CNOT4: variants seen among roughly 807,000 people sequenced by gnomAD.
CNOT4 encodes the protein CCR4-NOT transcription complex subunit 4.
CNOT4 carries 8 observed loss-of-function variants against 73.8 expected under a neutral mutation model. That is an observed-to-expected ratio of 0.11 (90% CI 0.06 to 0.20). The LOEUF (loss-of-function observed/expected upper bound fraction) is 0.20. CNOT4 is among the 10% of genes least tolerant of loss of function. The probability of loss-of-function intolerance (pLI) is 1.00; values close to 1 mark genes in which losing one functional copy is unlikely to be tolerated. For missense variants in CNOT4, 564 were observed against 883.4 expected (o/e 0.64, Z 4.58); for synonymous variants, 293 against 321.1 (o/e 0.91, Z 0.94).
Position 135,399,870 on chromosome 7 carries a change from C to T in CNOT4, c.822-1644G>A, listed in dbSNP as rs1168250622. Among the ~76,000 whole-genome samples, 3 of 152,114 alleles carry T rather than the reference C, an allele frequency of 2.0e-5. 1 individual carries two copies. The highest frequency in any genetic ancestry group is 2.0e-4 in the Admixed American group (3 of 15,276). ...AATGCAAACAGTTTAAAGATATAGA[C>T]CTGAGCCCACTAAGTTTAGAAGTAT... On this transcript the variant is annotated intron_variant, in intron 7 of 11. Coordinates refer to ENST00000541284, the MANE Select transcript of CNOT4 (RefSeq NM_001190850.2).
At chr7:135,489,310 T>C (rs1388371622) in intron 1 of CNOT4, among the ~76,000 whole-genome samples, 2 of 151,942 alleles carry the variant, frequency 1.3e-5, no homozygotes, top group Non-Finnish European at 2.9e-5. Flanking sequence ...TTACACATTT[T>C]ATAAAATTTT....
chr7:135,403,012 G>C (rs890287514), intron 7 of CNOT4, among the ~76,000 whole-genome samples: 2 of 152,092 alleles, frequency 1.3e-5, no homozygotes, highest in Non-Finnish European at 2.9e-5. Context: ...AAGTTAGAAG[G>C]TTTAGTTTTT....
chr7:135,489,748 A>T (rs1802984116), intron 1 of CNOT4, among the ~76,000 whole-genome samples: 1 of 152,100 alleles, frequency 6.6e-6, no homozygotes, highest in Admixed American at 6.6e-5. Context: ...TGGGTACCAT[A>T]CTGGACAATA....
intron 7 of CNOT4, among the ~76,000 whole-genome samples, chr7:135,409,270 G>A (rs1288812918): frequency 6.6e-6 from 1 of 152,086 alleles, no homozygotes; most frequent in East Asian, 1.9e-4. Flanking sequence ...AGAAAAGGGT[G>A]GGTACAAAAG....
At chr7:135,423,456 T>G (rs1193079886) in intron 2 of CNOT4, among the ~76,000 whole-genome samples, 3 of 151,218 alleles carry the variant, frequency 2.0e-5, no homozygotes, top group African/African-American at 7.3e-5. Context: ...CCTCCATCTC[T>G]TCATATATAA....
intron 1 of CNOT4, among the ~76,000 whole-genome samples, chr7:135,445,942 T>C (rs1400268156): frequency 6.6e-6 from 1 of 152,160 alleles, no homozygotes; most frequent in African/African-American, 2.4e-5. Flanking sequence ...AGTGGTGGGA[T>C]CATAGCTCAC....
intron 1 of CNOT4, among the ~76,000 whole-genome samples, chr7:135,499,634 A>C (rs912565460): frequency 6.6e-6 from 1 of 152,018 alleles, no homozygotes; most frequent in African/African-American, 2.4e-5. Context: ...AAGTCATCCC[A>C]TACTCCAAGG....
intron 3 of CNOT4, among the ~76,000 whole-genome samples, chr7:135,415,648 T>C (rs975918848): frequency 6.6e-6 from 1 of 152,026 alleles, no homozygotes. Flanking sequence ...TCAAAAACAA[T>C]GACCAAAATT....
At chr7:135,474,915 C>T (rs1451467539) in intron 1 of CNOT4, among the ~76,000 whole-genome samples, 1 of 151,944 alleles carries the variant, frequency 6.6e-6, no homozygotes, top group South Asian at 2.1e-4. Context: ...ATCCTCTGAT[C>T]TAGTAAGTTC....
chr7:135,457,489 C>T (rs1800616812), intron 1 of CNOT4, among the ~76,000 whole-genome samples: 1 of 151,978 alleles, frequency 6.6e-6, no homozygotes, highest in African/African-American at 2.4e-5. Context: ...GTACTATTTT[C>T]TTTGGACAAC....
intron 1 of CNOT4, among the ~76,000 whole-genome samples, chr7:135,451,520 T>C (rs1023229299): frequency 6.6e-6 from 1 of 152,184 alleles, no homozygotes. Context: ...CTCGAACTCC[T>C]GGACTCAAGT....
intron 3 of CNOT4, among the ~76,000 whole-genome samples, chr7:135,420,789 A>G (rs1050006160): frequency 1.3e-5 from 2 of 152,064 alleles, no homozygotes; most frequent in Admixed American, 1.3e-4. Context: ...GGAAACGATC[A>G]AAGGTGAGGC....
Position 135,394,036 on chromosome 7 carries a change from A to T in CNOT4, c.1509T>A (p.Phe503Leu). 1.2e-6 allele frequency: 2 copies of T among 1,614,206 alleles called. No individual in the cohort carries two copies. The highest frequency in any genetic ancestry group is 1.1e-5 in the South Asian group (1 of 91,084). Residue 503 changes from phenylalanine (F) to leucine (L), a missense_variant, in exon 10 of 12, where the codon TTT (phenylalanine) becomes TTA (leucine). Phe to Leu is a conservative substitution (Grantham distance 22). This residue lies in a region of CNOT4 where 153 missense variants were observed against 158.7 expected (regional missense o/e 0.96). Transcript: ENST00000541284. ...TCAAGTGCATGATGCTATTGCGTGG[A>T]AAGGCCATCCAAGGATAGCGGGCTG... ...GQAARYPWMA[F>L]PRNSIMHLNH...
At chr7:135,411,379 G>A (rs1283298496) in intron 6 of CNOT4, among the ~76,000 whole-genome samples, 1 of 151,938 alleles carries the variant, frequency 6.6e-6, no homozygotes, top group East Asian at 1.9e-4. Flanking sequence ...TGCAACAGAG[G>A]CAGAGTAAAG....
chr7:135,397,027 A>C (rs957023086), intron 8 of CNOT4, among the ~76,000 whole-genome samples: 2 of 152,192 alleles, frequency 1.3e-5, no homozygotes, highest in African/African-American at 4.8e-5. Context: ...ACTACTAATA[A>C]AATTCAGAAG....
chr7:135,482,282 G>A (rs780199112), intron 1 of CNOT4, among the ~76,000 whole-genome samples: 7 of 152,182 alleles, frequency 4.6e-5, no homozygotes, highest in Non-Finnish European at 8.8e-5. Context: ...TCCTAGGAGT[G>A]TGGTGGCTCA....
At chr7:135,495,466 T>C (rs189476327) in intron 1 of CNOT4, among the ~76,000 whole-genome samples, 28 of 141,146 alleles carry the variant, frequency 2.0e-4, no homozygotes, top group African/African-American at 3.5e-4. Flanking sequence ...GACTGCGCCA[T>C]TGCACTCCAG....
intron 1 of CNOT4, among the ~76,000 whole-genome samples, chr7:135,453,739 TG>T (rs1276178994): frequency 6.8e-6 from 1 of 145,990 alleles, no homozygotes; most frequent in African/African-American, 2.5e-5. Context: ...TATATATATA[TG>T]TTATATTATA....
intron 1 of CNOT4, among the ~76,000 whole-genome samples, chr7:135,489,523 G>GT (rs1183078370): frequency 6.6e-6 from 1 of 151,122 alleles, no homozygotes; most frequent in Non-Finnish European, 1.5e-5. Flanking sequence ...AGCCTCCCGA[G>GT]TAGCTGGGAC....
Sources: gnomAD v4.1 joint callset for allele counts (sites outside exome capture counted in the v4.1 genomes callset) on GRCh38, gnomAD v4.1.1 for gene constraint, gnomAD v4.1.1 regional missense constraint, MANE v1.5 for transcripts, NCBI Gene and HGNC (gene_info 2026-07-23, HGNC 2026-07-21) for gene names.